CACNA1H: variants seen among roughly 807,000 people sequenced by gnomAD.
The protein encoded by CACNA1H is calcium voltage-gated channel subunit alpha1 H.
In CACNA1H, 149 loss-of-function variants were observed where a neutral mutation model predicts 192.5. The ratio of observed to expected loss-of-function variants is 0.77; its 90% CI spans 0.68 to 0.89. CACNA1H has a LOEUF of 0.89. Ranked by LOEUF, CACNA1H falls within the 40% of genes least tolerant of loss-of-function variation. CACNA1H has a pLI of 0.00. For missense variants in CACNA1H, 4,257 were observed against 3,423.5 expected, an observed-to-expected ratio of 1.24 and a Z score of -6.08; for synonymous variants, 2,202 against 1,475.2, an observed-to-expected ratio of 1.49 and a Z score of -11.29.
At chr16:1,177,928 C>T (rs1377670443) in intron 2 of CACNA1H, among the ~76,000 whole-genome samples, 1 of 151,852 alleles carries the variant, frequency 6.6e-6, no homozygotes, top group Non-Finnish European at 1.5e-5. Context: ...ACTCTCCGTC[C>T]CCAGCAGGTG....
intron 2 of CACNA1H, among the ~76,000 whole-genome samples, chr16:1,154,439 C>A (rs1255796690): frequency 3.3e-5 from 5 of 152,118 alleles, no homozygotes; most frequent in Admixed American, 3.3e-4. Flanking sequence ...CCGAGGCAGG[C>A]CCCTCGCGGG....
chr16:1,207,091 G>T lies in CACNA1H; in HGVS notation c.2880G>T (p.Leu960=). The T allele has an allele frequency of 6.3e-7, 1 of 1,599,078 alleles. No homozygotes were observed. Among genetic ancestry groups the T allele is most frequent in the Admixed American group, 1.7e-5 (1 of 58,166 alleles). The change falls in exon 13 of 35, where the codon CTG becomes CTT. Residue 960 remains leucine, a synonymous_variant. Transcript: ENST00000348261. ...TVPDRKNFDS[L]LWAIVTVFQI... ...CTGACAGGAAGAACTTCGACTCCCTGCTGTGGGCCATCGTCACCGTGTTCC... is the reference window on the plus strand; with the variant it reads ...CTGACAGGAAGAACTTCGACTCCCTTCTGTGGGCCATCGTCACCGTGTTCC...
intron 6 of CACNA1H, among the ~76,000 whole-genome samples, chr16:1,199,976 T>G (rs1596400208): frequency 6.6e-6 from 1 of 152,162 alleles, no homozygotes; most frequent in East Asian, 1.9e-4. Flanking sequence ...GTTCTTTGTG[T>G]GTTTGTCTCT....
At chr16:1,201,532 C>G (rs1456163982) in intron 8 of CACNA1H, 131 bp from the exon 9 acceptor site, 1 of 1,130,880 alleles carries the variant, frequency 8.8e-7, no homozygotes, top group Non-Finnish European at 1.2e-6. Flanking sequence ...AGCAGCCTGC[C>G]CATAGCAGGG....
chr16:1,199,887 C>A (rs549312026), intron 6 of CACNA1H, among the ~76,000 whole-genome samples: 2 of 152,110 alleles, frequency 1.3e-5, no homozygotes, highest in Non-Finnish European at 2.9e-5. Context: ...TTGCTGAGGT[C>A]TGAGCCTGGG....
intron 2 of CACNA1H, among the ~76,000 whole-genome samples, chr16:1,161,341 C>T (rs1000442844): frequency 4.6e-5 from 7 of 152,162 alleles, no homozygotes; most frequent in African/African-American, 9.7e-5. Context: ...ACCGCCAGGC[C>T]GCCCTGTGTT....
At chr16:1,192,741 C>T (rs906054432) in intron 2 of CACNA1H, among the ~76,000 whole-genome samples, 3 of 152,170 alleles carry the variant, frequency 2.0e-5, no homozygotes, top group Non-Finnish European at 4.4e-5. Context: ...CCGGGGTGAT[C>T]TGAGAGCAAA....
intron 2 of CACNA1H, chr16:1,157,088 T>C (rs1322767730): frequency 6.6e-6 from 1 of 152,190 alleles, no homozygotes; most frequent in Non-Finnish European, 1.5e-5. Flanking sequence ...GGTTCCTGAC[T>C]CCGCGTTCGC....
chr16:1,204,258 A>G lies in CACNA1H; in HGVS notation c.2251A>G (p.Thr751Ala), dbSNP rs1348101855. 3.1e-6 allele frequency: 5 copies of G among 1,609,764 alleles called. No individual in the cohort carries two copies. Among genetic ancestry groups the G allele is most frequent in the African/African-American group, 2.7e-5 (2 of 74,868 alleles). ...DPTRPPRATD[T>A]PGPGPGSPQR... ...CACGCGACCACCCCGTGCGACGGACACACCAGGCCCAGGCCCAGGCAGCCC... is the reference window on the plus strand; with the variant it reads ...CACGCGACCACCCCGTGCGACGGACGCACCAGGCCCAGGCCCAGGCAGCCC... Residue 751 changes from threonine (T) to alanine (A), a missense_variant, in exon 10 of 35, where the codon ACA (threonine) becomes GCA (alanine). Transcript: ENST00000348261.
chr16:1,154,477 C>T (rs901636853), intron 2 of CACNA1H, among the ~76,000 whole-genome samples: 2 of 152,138 alleles, frequency 1.3e-5, no homozygotes, highest in Admixed American at 6.5e-5. Flanking sequence ...GAGCTGGAGT[C>T]AGGGGCGCAA....
At chr16:1,219,153 A>G (rs1044487491) in intron 34 of CACNA1H, 23 bp downstream of exon 34, 2 of 1,508,352 alleles carry the variant, frequency 1.3e-6, no homozygotes, top group Non-Finnish European at 1.8e-6. Flanking sequence ...GTTGGCCTGC[A>G]GCAGAGGCTG....
rs138785633 is a variant in CACNA1H at position 1,199,767 on chromosome 16, C to T, written c.804-489C>T. Among the ~76,000 whole-genome samples the T allele has an allele frequency of 4.9e-4, 75 of 151,560 alleles. No homozygotes were observed. In the East Asian group the frequency reaches 0.011, roughly 22 times the overall value. On this transcript the variant is annotated intron_variant, in intron 6 of 34. Coordinates refer to ENST00000348261, the MANE Select transcript of CACNA1H (RefSeq NM_021098.3). ...ACACCCCGGGGTTCCCTGCCCTCAGCCCTCACCCCTGGATCCTCTCAGCCC... is the reference window on the plus strand; with the variant it reads ...ACACCCCGGGGTTCCCTGCCCTCAGTCCTCACCCCTGGATCCTCTCAGCCC...
intron 13 of CACNA1H, 61 bp from the exon 14 acceptor site, chr16:1,207,214 C>G (rs2141306730): frequency 6.4e-7 from 1 of 1,557,820 alleles, no homozygotes; most frequent in South Asian, 1.2e-5. Flanking sequence ...GCCTCTGCCC[C>G]AAGGACTTGC....
Position 1,217,005 on chromosome 16 carries a change from G to T in CACNA1H, c.5318G>T (p.Arg1773Met). Reference sequence around the variant, plus strand: ...GCGCTGGGAGTGGAGCTGTTCGGGAGGCTGGGTGAGTGGCTCCTGCGCCCT... The same window carrying T: ...GCGCTGGGAGTGGAGCTGTTCGGGATGCTGGGTGAGTGGCTCCTGCGCCCT... The part of the protein sequence containing the change: ...YAALGVELFG[R>M]LECSEDNPCE... The change falls in exon 31 of 35, where the codon AGG (arginine) becomes ATG (methionine). Residue 1773 changes from arginine to methionine, a missense_variant. Coordinates refer to ENST00000348261, the MANE Select transcript of CACNA1H (RefSeq NM_021098.3). 1 of 1,591,748 alleles carries T rather than the reference G, an allele frequency of 6.3e-7. No individual in the cohort carries two copies. The highest frequency in any genetic ancestry group is 2.3e-5 in the East Asian group (1 of 43,968).
chr16:1,187,200 C>A (rs573053685), intron 2 of CACNA1H, among the ~76,000 whole-genome samples: 1 of 152,212 alleles, frequency 6.6e-6, no homozygotes, highest in Non-Finnish European at 1.5e-5. Context: ...AATGAGGGGC[C>A]GGGAGGGGAG....
chr16:1,200,940 C>A, intron 8 of CACNA1H, 132 bp downstream of exon 8: 26 of 624,682 alleles, frequency 4.2e-5, no homozygotes, highest in South Asian at 1.4e-4. Flanking sequence ...GGGAGGGAGG[C>A]AGAGCTTGCG....
intron 27 of CACNA1H, 120 bp downstream of exon 27, chr16:1,214,051 G>T (rs1260868494): frequency 1.2e-6 from 1 of 857,538 alleles, no homozygotes; most frequent in East Asian, 2.7e-5. Context: ...TTTGCGTGGG[G>T]ATGTGGGGTT....
chr16:1,160,556 G>T (rs548097943), intron 2 of CACNA1H, among the ~76,000 whole-genome samples: 1 of 152,316 alleles, frequency 6.6e-6, no homozygotes, highest in African/African-American at 2.4e-5. Context: ...TGACAGATGG[G>T]GACGGAGTAG....
At chr16:1,155,409 C>T (rs978208071) in intron 2 of CACNA1H, among the ~76,000 whole-genome samples, 11 of 152,152 alleles carry the variant, frequency 7.2e-5, no homozygotes, top group Admixed American at 2.0e-4. Context: ...AGAACCAAGG[C>T]GGGAGGTGGT....
Sources: gnomAD v4.1 joint callset for allele counts (sites outside exome capture counted in the v4.1 genomes callset) on GRCh38, gnomAD v4.1.1 for gene constraint, MANE v1.5 for transcripts, NCBI Gene and HGNC (gene_info 2026-07-23, HGNC 2026-07-21) for gene names.